UIMC1: variants seen among roughly 807,000 people sequenced by gnomAD.
UIMC1 encodes the protein ubiquitin interaction motif containing 1.
A neutral mutation model predicts 84.9 loss-of-function variants in UIMC1; 42 were observed. The ratio of observed to expected loss-of-function variants is 0.49; its 90% CI spans 0.39 to 0.64. UIMC1 has a LOEUF of 0.64. Among genes scored for constraint, UIMC1 ranks in the 30% least tolerant of loss-of-function variants. UIMC1 has a pLI of 0.00. For missense variants in UIMC1, 825 were observed against 847.6 expected, an observed-to-expected ratio of 0.97 and a Z score of 0.33; for synonymous variants, 281 against 293.0, an observed-to-expected ratio of 0.96 and a Z score of 0.42.
intron 11 of UIMC1, among the ~76,000 whole-genome samples, chr5:176,909,382 TTAAG>T (rs1052728079): frequency 3.3e-5 from 5 of 152,232 alleles, no homozygotes; most frequent in African/African-American, 1.2e-4. Context: ...TGAGTATTTA[TTAAG>T]TATTTTCTCT....
intron 1 of UIMC1, among the ~76,000 whole-genome samples, chr5:176,995,843 C>CAAAAAAAAAAA (rs34672103): frequency 1.3e-5 from 1 of 79,618 alleles, no homozygotes; most frequent in African/African-American, 4.8e-5. Flanking sequence ...AACTCCATCT[C>CAAAAAAAAAAA]AAAAAAAAAA....
chr5:176,941,498 C>T (rs1157015186), intron 10 of UIMC1, among the ~76,000 whole-genome samples: 2 of 152,108 alleles, frequency 1.3e-5, no homozygotes, highest in African/African-American at 4.8e-5. Flanking sequence ...TGTTTATGTA[C>T]TTCCTTATTT....
intron 1 of UIMC1, among the ~76,000 whole-genome samples, chr5:177,004,344 T>C (rs1774972509): frequency 6.6e-6 from 1 of 152,178 alleles, no homozygotes; most frequent in African/African-American, 2.4e-5. Flanking sequence ...TTTAGCCACA[T>C]TAAATTACTG....
intron 1 of UIMC1, among the ~76,000 whole-genome samples, chr5:176,997,408 G>A (rs920024913): frequency 3.3e-5 from 5 of 152,146 alleles, no homozygotes; most frequent in South Asian, 4.1e-4. Context: ...ATTTCAGGCC[G>A]GGCACGGTGG....
chr5:176,969,252 G>C lies in UIMC1; in HGVS notation c.503C>G (p.Ser168Ter). ...AGCCTCGTTTCCCTGACTGATATGT[G>C]AGCCTTTAAACAGTGATGGAGGTAC... ...QLVPPSLFKGSHISQGNEAEE... is the reference protein window; with the variant it reads ...QLVPPSLFKG Residue 168 changes from serine to a stop codon, truncating the protein, a stop_gained, in exon 6 of 15, where the codon TCA (serine) becomes TGA (stop). Coordinates refer to ENST00000511320, the MANE Select transcript of UIMC1 (RefSeq NM_001199298.2). LOFTEE classifies it high-confidence loss of function. The C allele has an allele frequency of 3.7e-6, 6 of 1,614,128 alleles. No individual in the cohort carries two copies. Among genetic ancestry groups the C allele is most frequent in the Non-Finnish European group, 5.1e-6 (6 of 1,180,028 alleles).
At chr5:177,008,054 G>A (rs550431452), upstream of UIMC1, among the ~76,000 whole-genome samples, 4 of 149,172 alleles carry the variant, frequency 2.7e-5, no homozygotes, top group East Asian at 3.9e-4. Context: ...GCAGTGAGCC[G>A]AGATCACACC....
At chr5:176,925,332 G>A (rs1762263070) in intron 10 of UIMC1, among the ~76,000 whole-genome samples, 1 of 152,120 alleles carries the variant, frequency 6.6e-6, no homozygotes, top group Admixed American at 6.5e-5. Context: ...GGATAAAACA[G>A]TATCAAATGG....
At chr5:176,956,549 C>T (rs1561819678) in intron 7 of UIMC1, among the ~76,000 whole-genome samples, 1 of 152,146 alleles carries the variant, frequency 6.6e-6, no homozygotes, top group Non-Finnish European at 1.5e-5. Context: ...TGCCCTACAG[C>T]AAAAATCTGC....
At chr5:176,966,718 A>C (rs1329642598) in intron 6 of UIMC1, among the ~76,000 whole-genome samples, 1 of 152,194 alleles carries the variant, frequency 6.6e-6, no homozygotes, top group East Asian at 1.9e-4. Flanking sequence ...TGGTTTCAAT[A>C]AATTATTCAA....
intron 6 of UIMC1, among the ~76,000 whole-genome samples, chr5:176,959,633 G>A (rs945106198): frequency 2.7e-5 from 4 of 148,044 alleles, no homozygotes; most frequent in Non-Finnish European, 4.5e-5. Context: ...GGAGAATGGC[G>A]TGAACCCGGG....
intron 1 of UIMC1, among the ~76,000 whole-genome samples, chr5:177,011,832 G>A (rs1383096239): frequency 1.3e-5 from 2 of 150,088 alleles, no homozygotes; most frequent in African/African-American, 4.9e-5. Flanking sequence ...ACGGAATCTC[G>A]CTCTGTTGCC....
intron 10 of UIMC1, among the ~76,000 whole-genome samples, chr5:176,922,422 C>T (rs1761820513): frequency 6.6e-6 from 1 of 152,232 alleles, no homozygotes; most frequent in Non-Finnish European, 1.5e-5. Context: ...ATTGCCTTCT[C>T]TCATCTTGAC....
At chr5:177,019,320 T>G (rs570317713) in intron 1 of UIMC1, among the ~76,000 whole-genome samples, 1 of 152,162 alleles carries the variant, frequency 6.6e-6, no homozygotes, top group Non-Finnish European at 1.5e-5. Flanking sequence ...AATGCTATAA[T>G]GTAGGTGCTT....
intron 10 of UIMC1, among the ~76,000 whole-genome samples, chr5:176,939,552 G>C (rs1252373208): frequency 1.3e-5 from 2 of 152,176 alleles, no homozygotes; most frequent in Non-Finnish European, 2.9e-5. Context: ...AGTGACTACA[G>C]TGTTCGGTAC....
chr5:176,987,330 C>T (rs948130611), intron 1 of UIMC1, among the ~76,000 whole-genome samples: 1 of 151,894 alleles, frequency 6.6e-6, no homozygotes, highest in Non-Finnish European at 1.5e-5. Context: ...TAGACATAAA[C>T]AATCAAAACT....
intron 2 of UIMC1, among the ~76,000 whole-genome samples, chr5:176,976,809 G>T (rs889216364): frequency 1.1e-4 from 16 of 152,238 alleles, no homozygotes; most frequent in Non-Finnish European, 1.9e-4. Context: ...ATGAAAATGG[G>T]TTTTTTCTGG....
At chr5:177,010,171 G>A (rs949716719), upstream of UIMC1, among the ~76,000 whole-genome samples, 2 of 152,032 alleles carry the variant, frequency 1.3e-5, no homozygotes, top group Non-Finnish European at 2.9e-5. Context: ...AGCTATGATC[G>A]CACCACTGCA....
chr5:176,993,080 G>A (rs1031164491), intron 1 of UIMC1, among the ~76,000 whole-genome samples: 4 of 151,686 alleles, frequency 2.6e-5, no homozygotes, highest in African/African-American at 9.7e-5. Flanking sequence ...CAGCTACTGG[G>A]GAGGCTGAGG....
upstream of UIMC1, among the ~76,000 whole-genome samples, chr5:177,010,468 G>A (rs1775522344): frequency 6.6e-6 from 1 of 152,056 alleles, no homozygotes; most frequent in Non-Finnish European, 1.5e-5. Flanking sequence ...TGTTTTTGAA[G>A]GTAGTAAATA....
Sources: gnomAD v4.1 joint callset for allele counts (sites outside exome capture counted in the v4.1 genomes callset) on GRCh38, gnomAD v4.1.1 for gene constraint, MANE v1.5 for transcripts, NCBI Gene and HGNC (gene_info 2026-07-23, HGNC 2026-07-21) for gene names.